Variants in ARPC2 observed in about 807,000 individuals in gnomAD.
ARPC2 encodes the protein actin related protein 2/3 complex subunit 2.
ARPC2 carries 4 observed loss-of-function variants against 38.6 expected under a neutral mutation model. The observed-to-expected ratio is 0.10, with a 90% CI of 0.05 to 0.24. The LOEUF (loss-of-function observed/expected upper bound fraction) is 0.24, where lower values mean the gene tolerates loss of function less well. Ranked by LOEUF, ARPC2 falls within the 10% of genes least tolerant of loss-of-function variation. The pLI is 1.00. For synonymous variants in ARPC2, 125 were observed against 140.8 expected (o/e 0.89, Z 0.79); for missense variants, 229 against 387.3 (o/e 0.59, Z 3.43).
chr2:218,224,905 A>C (rs1490769490), intron 2 of ARPC2, among the ~76,000 whole-genome samples: 1 of 152,208 alleles, frequency 6.6e-6, no homozygotes. Context: ...TTTCTTTCGC[A>C]GGTAATGGAG....
chr2:218,222,686 A>G (rs1689411263), intron 2 of ARPC2, among the ~76,000 whole-genome samples: 1 of 152,002 alleles, frequency 6.6e-6, no homozygotes, highest in African/African-American at 2.4e-5. Context: ...CCGATCTCTG[A>G]CTCCACCTAG....
At chr2:218,220,317 A>G (rs1011045487) in intron 2 of ARPC2, among the ~76,000 whole-genome samples, 2 of 152,218 alleles carry the variant, frequency 1.3e-5, no homozygotes, top group Admixed American at 6.5e-5. Context: ...TGCATCTTCC[A>G]TCTCTGTGAT....
At chr2:218,231,895 A>G (rs530219510) in intron 4 of ARPC2, among the ~76,000 whole-genome samples, 1 of 152,156 alleles carries the variant, frequency 6.6e-6, no homozygotes, top group Non-Finnish European at 1.5e-5. Context: ...CTTGAGGTCA[A>G]GAGTTCAAGC....
intron 3 of ARPC2, 98 bp downstream of exon 3, chr2:218,226,052 T>C: frequency 1.6e-6 from 2 of 1,277,984 alleles, no homozygotes; most frequent in Non-Finnish European, 2.3e-6. Flanking sequence ...CCCAGCACTT[T>C]GGGAGTCCGA....
chr2:218,235,139 A>G (rs1689739253), intron 5 of ARPC2: 2 of 293,262 alleles, frequency 6.8e-6, no homozygotes, highest in Non-Finnish European at 1.3e-5. Context: ...GTTCTCTGTC[A>G]CTCTTAACAG....
At chr2:218,223,294 G>A (rs1325870074) in intron 2 of ARPC2, among the ~76,000 whole-genome samples, 3 of 152,184 alleles carry the variant, frequency 2.0e-5, no homozygotes, top group African/African-American at 7.2e-5. Flanking sequence ...TCTACAGTGT[G>A]TACGCTACCC....
intron 7 of ARPC2, among the ~76,000 whole-genome samples, chr2:218,242,962 T>C (rs1013139683): frequency 3.3e-5 from 5 of 152,212 alleles, no homozygotes; most frequent in African/African-American, 1.2e-4. Flanking sequence ...TGTTTTTACA[T>C]AATCAAATTA....
At chr2:218,232,601 TGGAGTGCACCCAGGCTG>T (rs1689663760) in intron 4 of ARPC2, among the ~76,000 whole-genome samples, 1 of 141,840 alleles carries the variant, frequency 7.1e-6, no homozygotes. Flanking sequence ...TCACCCGGGC[TGGAGTGCACCCAGGCTG>T]GAGTGCAGTG....
At chr2:218,251,024 T>G (rs1367921780) in intron 10 of ARPC2, among the ~76,000 whole-genome samples, 1 of 151,584 alleles carries the variant, frequency 6.6e-6, no homozygotes, top group Non-Finnish European at 1.5e-5. Context: ...TTAGTAGAGA[T>G]GGGGTTTCAC....
intron 8 of ARPC2, among the ~76,000 whole-genome samples, chr2:218,246,469 G>A (rs974907652): frequency 2.6e-5 from 4 of 152,172 alleles, no homozygotes; most frequent in African/African-American, 9.7e-5. Context: ...GGCGGAGGTT[G>A]CAGTGAGCTG....
chr2:218,234,815 C>T (rs1181682842), intron 5 of ARPC2: 1 of 458,786 alleles, frequency 2.2e-6, no homozygotes, highest in Admixed American at 2.3e-5. Context: ...CTTGTGATTT[C>T]AAGTAATAAA....
chr2:218,223,576 G>A (rs1689431513), intron 2 of ARPC2, among the ~76,000 whole-genome samples: 1 of 152,212 alleles, frequency 6.6e-6, no homozygotes, highest in Non-Finnish European at 1.5e-5. Context: ...GATAAGGGGA[G>A]ACTGCTGTAC....
At chr2:218,243,810 C>T (rs1392860873) in intron 7 of ARPC2, among the ~76,000 whole-genome samples, 5 of 152,174 alleles carry the variant, frequency 3.3e-5, no homozygotes, top group South Asian at 2.1e-4. Flanking sequence ...AAGCCAGAAA[C>T]GTATCGTTGA....
chr2:218,246,275 C>T (rs1559482921), intron 8 of ARPC2, among the ~76,000 whole-genome samples: 1 of 151,416 alleles, frequency 6.6e-6, no homozygotes, highest in Non-Finnish European at 1.5e-5. Flanking sequence ...GTAATCCTAG[C>T]ACTGTGGGAG....
intron 8 of ARPC2, among the ~76,000 whole-genome samples, chr2:218,245,865 A>G (rs989557029): frequency 1.3e-5 from 2 of 152,140 alleles, no homozygotes; most frequent in African/African-American, 2.4e-5. Flanking sequence ...GACTATAGCT[A>G]CTTCCTCAGT....
At chr2:218,231,962 AG>A (rs1689643714) in intron 4 of ARPC2, among the ~76,000 whole-genome samples, 3 of 152,266 alleles carry the variant, frequency 2.0e-5, no homozygotes, top group African/African-American at 7.2e-5. Flanking sequence ...TAAGTAGGCC[AG>A]GCGCAGTGGC....
At position 218,245,670 on chromosome 2, in the gene ARPC2, C is replaced by G. The variant is rs539383918; in HGVS notation, c.676+124C>G. On this transcript the variant is annotated intron_variant, in intron 8 of 10. Coordinates refer to ENST00000315717, the MANE Select transcript of ARPC2 (RefSeq NM_152862.3). ...GCAAACGCAGGCATACCAACTTGTTCCTGTTGCCATTGCAGTGACTAAAGG... is the reference window on the plus strand; with the variant it reads ...GCAAACGCAGGCATACCAACTTGTTGCTGTTGCCATTGCAGTGACTAAAGG... The G allele has an allele frequency of 4.9e-5, 65 of 1,331,090 alleles. No homozygotes were observed. The East Asian group carries it at 1.5e-3, about 31-fold the overall frequency. The allele number at this position is 1,331,090 out of a possible 1,614,324, so 82.5% of individuals were successfully genotyped here.
intron 2 of ARPC2, among the ~76,000 whole-genome samples, chr2:218,224,799 G>A (rs1407189443): frequency 6.6e-6 from 1 of 152,176 alleles, no homozygotes; most frequent in East Asian, 1.9e-4. Context: ...TTTTTGAAAG[G>A]TATTGTCTGG....
intron 10 of ARPC2, among the ~76,000 whole-genome samples, chr2:218,252,510 G>T (rs1690216033): frequency 6.6e-6 from 1 of 152,164 alleles, no homozygotes; most frequent in African/African-American, 2.4e-5. Context: ...CCGGGTACTT[G>T]TTTGGTGACC....
Sources: allele counts gnomAD v4.1 joint callset (sites outside exome capture counted in the v4.1 genomes callset), GRCh38; gene constraint gnomAD v4.1.1; transcripts MANE v1.5; gene names NCBI Gene and HGNC (gene_info 2026-07-23, HGNC 2026-07-21).